CCNH: variants seen among roughly 807,000 people sequenced by gnomAD.
CCNH encodes the protein cyclin H.
A neutral mutation model predicts 41.9 loss-of-function variants in CCNH; 31 were observed. The ratio of observed to expected loss-of-function variants is 0.74; its 90% CI spans 0.56 to 1.00. CCNH has a LOEUF of 1.00. CCNH is among the 50% of genes least tolerant of loss of function. The pLI is 0.00. For synonymous variants in CCNH, 138 were observed against 136.1 expected (o/e 1.01, Z -0.10); for missense variants, 362 against 388.4 (o/e 0.93, Z 0.57).
At chr5:87,371,588 C>T (rs887284323), downstream of CCNH, among the ~76,000 whole-genome samples, 41 of 151,990 alleles carry the variant, frequency 2.7e-4, no homozygotes, top group African/African-American at 9.4e-4. Context: ...ATTTGAGAAG[C>T]TTAAAAATAA....
At chr5:87,371,457 T>C (rs1474697046), downstream of CCNH, among the ~76,000 whole-genome samples, 1 of 152,172 alleles carries the variant, frequency 6.6e-6, no homozygotes, top group African/African-American at 2.4e-5. Flanking sequence ...AATATTTAGA[T>C]TTGTTTTTAA....
chr5:87,412,522 C>T, intron 1 of CCNH, 156 bp downstream of exon 1: 1 of 1,440,740 alleles, frequency 6.9e-7, no homozygotes, highest in Admixed American at 2.7e-5. Context: ...CCCACGGAAC[C>T]TGGCAAGGTG....
At chr5:87,394,167 G>A (rs994402564), downstream of CCNH, 2 of 837,164 alleles carry the variant, frequency 2.4e-6, no homozygotes, top group South Asian at 4.9e-5. Context: ...AAAAAGCATA[G>A]GTTTGCCTAT....
chr5:87,353,233 C>A, intron 9 of CCNH: 1 of 1,602,534 alleles, frequency 6.2e-7, no homozygotes, highest in Non-Finnish European at 8.5e-7. Flanking sequence ...TGTACCAATG[C>A]AGGTCAGTGT....
intron 9 of CCNH, chr5:87,330,879 GT>G: frequency 9.3e-7 from 1 of 1,070,898 alleles, no homozygotes. Flanking sequence ...GTGTAATTCT[GT>G]TTTCCTGTCG....
chr5:87,341,662 C>T (rs1291843153), intron 9 of CCNH, among the ~76,000 whole-genome samples: 1 of 151,972 alleles, frequency 6.6e-6, no homozygotes, highest in Non-Finnish European at 1.5e-5. Context: ...TGTTTTATAG[C>T]CACATCTTTT....
intron 9 of CCNH, among the ~76,000 whole-genome samples, chr5:87,344,719 A>T (rs1414600139): frequency 7.5e-6 from 1 of 133,500 alleles, no homozygotes; most frequent in South Asian, 2.3e-4. Flanking sequence ...AGGTCTTACT[A>T]TGCTGCCCAG....
chr5:87,412,624 A>G, intron 1 of CCNH, 54 bp downstream of exon 1: 1 of 1,600,794 alleles, frequency 6.2e-7, no homozygotes. Context: ...GAGCTCCCGC[A>G]GCTGCTCAGA....
intron 6 of CCNH, among the ~76,000 whole-genome samples, chr5:87,399,951 A>G (rs905155416): frequency 6.6e-6 from 1 of 152,220 alleles, no homozygotes; most frequent in African/African-American, 2.4e-5. Context: ...ACAACATGCA[A>G]TAAAGGGAGG....
At chr5:87,319,686 C>T (rs374968494) in intron 9 of CCNH, among the ~76,000 whole-genome samples, 31 of 152,318 alleles carry the variant, frequency 2.0e-4, no homozygotes, top group Admixed American at 3.3e-4. Flanking sequence ...CTTAGACCTC[C>T]AGGCCTGTAC....
chr5:87,362,475 A>C, intron 9 of CCNH: 1 of 1,453,270 alleles, frequency 6.9e-7, no homozygotes. Flanking sequence ...TTGGCTTTTA[A>C]TTGGTACTTT....
At chr5:87,372,135 G>C (rs1047274409), downstream of CCNH, 1 of 1,613,418 alleles carries the variant, frequency 6.2e-7, no homozygotes, top group African/African-American at 1.3e-5. Context: ...TGAAAGGTCT[G>C]CAGGCATTTT....
At chr5:87,320,231 C>T (rs940329208) in intron 9 of CCNH, among the ~76,000 whole-genome samples, 1 of 152,184 alleles carries the variant, frequency 6.6e-6, no homozygotes, top group Admixed American at 6.6e-5. Flanking sequence ...TGAAACTTTC[C>T]CACATCTTCT....
At chr5:87,332,537 T>C (rs763574599) in intron 9 of CCNH, 4 of 1,607,462 alleles carry the variant, frequency 2.5e-6, no homozygotes, top group Non-Finnish European at 3.4e-6. Context: ...ATTACTACAT[T>C]GGTGGAAGAC....
intron 1 of CCNH, chr5:87,412,349 A>T: frequency 8.9e-6 from 9 of 1,012,876 alleles, no homozygotes; most frequent in Non-Finnish European, 1.1e-5. Context: ...TTTTCTCCGC[A>T]TTGGCTACTG....
downstream of CCNH, among the ~76,000 whole-genome samples, chr5:87,371,366 T>C (rs947226735): frequency 4.6e-5 from 7 of 152,058 alleles, no homozygotes; most frequent in African/African-American, 1.7e-4. Flanking sequence ...TTCAGCTTCA[T>C]TGAAATAGCC....
At chr5:87,336,648 A>G (rs1051697882) in intron 9 of CCNH, among the ~76,000 whole-genome samples, 1 of 152,176 alleles carries the variant, frequency 6.6e-6, no homozygotes, top group African/African-American at 2.4e-5. Context: ...TATAGCAACA[A>G]CAATGAAACT....
At chr5:87,351,261 A>G (rs561089284) in intron 9 of CCNH, among the ~76,000 whole-genome samples, 1 of 151,850 alleles carries the variant, frequency 6.6e-6, no homozygotes, top group African/African-American at 2.4e-5. Context: ...TGTGAAATAT[A>G]CTGTACAAAT....
At chr5:87,314,202 A>C (rs1381315017), downstream of CCNH, among the ~76,000 whole-genome samples, 1 of 152,184 alleles carries the variant, frequency 6.6e-6, no homozygotes, top group Non-Finnish European at 1.5e-5. Flanking sequence ...AAATAAAAAA[A>C]TAAAGAAAGT....
Sources: allele counts gnomAD v4.1 joint callset (sites outside exome capture counted in the v4.1 genomes callset), GRCh38; gene constraint gnomAD v4.1.1; transcripts MANE v1.5; gene names NCBI Gene and HGNC (gene_info 2026-07-23, HGNC 2026-07-21).